The following NMD3 variants were observed in gnomAD, a reference collection of about 807,000 sequenced individuals.
NMD3 encodes the protein NMD3 ribosome export adaptor.
NMD3 carries 47 observed loss-of-function variants against 73.1 expected under a neutral mutation model. The ratio of observed to expected loss-of-function variants is 0.64; its 90% CI spans 0.51 to 0.82. NMD3 has a LOEUF of 0.82. Ranked by LOEUF, NMD3 falls within the 40% of genes least tolerant of loss-of-function variation. NMD3 has a pLI of 0.00. For synonymous variants in NMD3, 210 were observed against 194.5 expected (o/e 1.08, Z -0.66); for missense variants, 554 against 612.5 (o/e 0.90, Z 1.01).
At chr3:161,249,622 T>G in intron 14 of NMD3, 62 bp downstream of exon 14, 1 of 1,064,060 alleles carries the variant, frequency 9.4e-7, no homozygotes, top group East Asian at 2.6e-5. Context: ...TAAATACTTT[T>G]TATGTTGTAA....
chr3:161,242,590 G>C lies in NMD3; in HGVS notation c.954G>C (p.Val318=), dbSNP rs1416210023. The change falls in exon 11 of 16, where the codon GTG becomes GTC. Residue 318 remains valine, a synonymous_variant. Transcript: ENST00000351193. ...CCAAACAGCTAGAGGAGTTTATTGTGATGGAATGCAGCATAGTCCAAGATA... is the reference window on the plus strand; with the variant it reads ...CCAAACAGCTAGAGGAGTTTATTGTCATGGAATGCAGCATAGTCCAAGATA... ...CHPKQLEEFI[V]MECSIVQDIK... The C allele has an allele frequency of 6.2e-7, 1 of 1,613,598 alleles. No individual in the cohort carries two copies. The highest frequency in any genetic ancestry group is 1.3e-5 in the African/African-American group (1 of 74,866).
chr3:161,222,243 A>G (rs949240554), intron 2 of NMD3, among the ~76,000 whole-genome samples, 186 bp downstream of exon 2: 2 of 152,146 alleles, frequency 1.3e-5, no homozygotes, highest in Non-Finnish European at 2.9e-5. Flanking sequence ...GTTCTAGTAA[A>G]TATAAGCTCT....
chr3:161,235,040 T>C, intron 6 of NMD3, 82 bp from the exon 7 acceptor site: 1 of 856,172 alleles, frequency 1.2e-6, no homozygotes, highest in South Asian at 1.7e-5. Flanking sequence ...CAGTATGCTC[T>C]ATCTGTAGAT....
chr3:161,234,629 GA>G, intron 5 of NMD3, 97 bp from the exon 6 acceptor site: 1 of 1,050,062 alleles, frequency 9.5e-7, no homozygotes, highest in Non-Finnish European at 1.4e-6. Context: ...AGCATTAATG[GA>G]AAAAGTTTTA....
intron 2 of NMD3, chr3:161,222,986 C>G (rs1280998493): frequency 6.6e-6 from 1 of 152,236 alleles, no homozygotes; most frequent in Non-Finnish European, 1.5e-5. Context: ...GCTGATCTTC[C>G]TTGTTCTATC....
At chr3:161,243,412 A>T (rs186226779) in intron 11 of NMD3, among the ~76,000 whole-genome samples, 374 of 152,280 alleles carry the variant, frequency 2.5e-3, no homozygotes, top group Non-Finnish European at 3.7e-3. Flanking sequence ...ACTATGGATA[A>T]GGGGGGGATT....
In NMD3 at chr3:161,225,038, G is replaced by A. The variant is rs534269025; in HGVS notation, c.153G>A (p.Ser51=). 6.8e-6 allele frequency: 11 copies of A among 1,613,664 alleles called. No homozygotes were observed. The Admixed American group carries it at 8.3e-5, about 12-fold the overall frequency. The part of the protein sequence containing the change: ...DISQGIPKQV[S]ISFCKQCQRY... ...GCCAAGGTATTCCGAAACAAGTCTCGATTTCGTTCTGCAAACAATGTCAAA... is the reference window on the plus strand; with the variant it reads ...GCCAAGGTATTCCGAAACAAGTCTCAATTTCGTTCTGCAAACAATGTCAAA... The change falls in exon 3 of 16, where the codon TCG becomes TCA. Residue 51 remains serine, a synonymous_variant. Transcript: ENST00000351193.
chr3:161,223,903 T>C (rs1736205832), intron 2 of NMD3, among the ~76,000 whole-genome samples: 1 of 152,266 alleles, frequency 6.6e-6, no homozygotes, highest in African/African-American at 2.4e-5. Flanking sequence ...AGTTTGCTAT[T>C]ACACTTGTGG....
chr3:161,222,663 C>A (rs183370935), intron 2 of NMD3, among the ~76,000 whole-genome samples: 3 of 151,410 alleles, frequency 2.0e-5, no homozygotes, highest in Admixed American at 6.6e-5. Flanking sequence ...GACTTTTAAA[C>A]GATAATCCTG....
intron 2 of NMD3, among the ~76,000 whole-genome samples, chr3:161,224,087 T>G (rs1736212187): frequency 6.7e-6 from 1 of 149,962 alleles, no homozygotes; most frequent in African/African-American, 2.5e-5. Flanking sequence ...TATCTAAAAT[T>G]AAAATTAGTG....
intron 4 of NMD3, 125 bp from the exon 5 acceptor site, chr3:161,233,274 G>A: frequency 1.7e-6 from 1 of 595,854 alleles, no homozygotes. Context: ...ATGATGGTGT[G>A]TAGTATGCTG....
At chr3:161,240,526 AT>A (rs539406360) in intron 9 of NMD3, among the ~76,000 whole-genome samples, 165 of 111,652 alleles carry the variant, frequency 1.5e-3, no homozygotes, top group Non-Finnish European at 1.7e-3. Flanking sequence ...TGGGCCCTGG[AT>A]TTTTTTTTTT....
rs758597091 is a variant in NMD3 at position 161,247,344 on chromosome 3, T to C, written c.1203+14T>C. 1.3e-6 allele frequency: 2 copies of C among 1,528,674 alleles called. No individual in the cohort carries two copies. The highest frequency in any genetic ancestry group is 1.1e-5 in the South Asian group (1 of 89,116). The allele number at this position is 1,528,674 out of a possible 1,614,324, so 94.7% of individuals were successfully genotyped here. On this transcript the variant is annotated intron_variant, in intron 13 of 15. Transcript: ENST00000351193. ...GTTCCAGATGTGGTAAGGCTTTAGA[T>C]TTTTCCCTTTTTTCCTGTGTTAAAG...
intron 9 of NMD3, 114 bp from the exon 10 acceptor site, chr3:161,240,932 T>A: frequency 1.8e-6 from 1 of 568,578 alleles, no homozygotes; most frequent in Non-Finnish European, 3.2e-6. Flanking sequence ...TTGATAGAAT[T>A]GAAAATAACG....
chr3:161,223,494 T>A (rs1426425400), intron 2 of NMD3, among the ~76,000 whole-genome samples: 1 of 89,820 alleles, frequency 1.1e-5, no homozygotes, highest in African/African-American at 7.2e-5. Flanking sequence ...GCAGTCCTTA[T>A]GCTTTTTTTT....
At chr3:161,222,432 A>C (rs1576838576) in intron 2 of NMD3, among the ~76,000 whole-genome samples, 1 of 146,612 alleles carries the variant, frequency 6.8e-6, no homozygotes, top group Non-Finnish European at 1.5e-5. Flanking sequence ...TGCAACCTCC[A>C]CCTCCCGGGT....
In NMD3 at chr3:161,221,958, CTTTTTTTTTTTTTTT is replaced by C. The variant is rs376329329; in HGVS notation, c.-20-20_-20-6del. On this transcript the variant is annotated intron_variant, in intron 1 of 15. Transcript: ENST00000351193. ...AAAGTGATTTAAATCCCAACATTCTCTTTTTTTTTTTTTTTTTTTTTTTTTTTTTTAAAAGAACTT... is the reference window on the plus strand; with the variant it reads ...AAAGTGATTTAAATCCCAACATTCTCTTTTTTTTTTTTTTTAAAAGAACTT... 595 of 868,238 alleles carry C rather than the reference CTTTTTTTTTTTTTTT, an allele frequency of 6.9e-4. 4 individuals carry two copies. The highest frequency in any genetic ancestry group is 2.7e-3 in the South Asian group (168 of 61,690). 53.8% of individuals were successfully genotyped at this position (868,238 alleles called of 1,614,324 possible). A position where few individuals can be genotyped will look rare whatever the true frequency, so the allele number is the denominator to read the frequency against.
rs774944353 is a variant in NMD3 at position 161,222,022 on chromosome 3, T to TA, written c.10dup (p.Met4AsnfsTer16). ...TTAAGGCATACAGAACGATGGAGTA[T>TA]ATGGCAGAATCCACCGACCGCAGCC... On this transcript the variant is annotated frameshift_variant, in exon 2 of 16. Coordinates refer to ENST00000351193, the MANE Select transcript of NMD3 (RefSeq NM_015938.5). LOFTEE classifies it high-confidence loss of function. 5.2e-6 allele frequency: 8 copies of TA among 1,545,382 alleles called. No homozygotes were observed. The South Asian group carries it at 8.9e-5, about 17-fold the overall frequency.
chr3:161,238,608 C>A, intron 8 of NMD3, 122 bp from the exon 9 acceptor site: 4 of 629,824 alleles, frequency 6.4e-6, no homozygotes. Flanking sequence ...CCAGAGGAGG[C>A]ATCATGAAGC....
Sources: allele counts gnomAD v4.1 joint callset (sites outside exome capture counted in the v4.1 genomes callset), GRCh38; gene constraint gnomAD v4.1.1; transcripts MANE v1.5; gene names NCBI Gene and HGNC (gene_info 2026-07-23, HGNC 2026-07-21).